Variants in MTPAP observed in about 807,000 individuals in gnomAD.
MTPAP encodes the protein poly(A) RNA polymerase, mitochondrial.
Under a neutral mutation model 48.7 loss-of-function variants are expected in MTPAP, and 23 were observed. The ratio of observed to expected loss-of-function variants is 0.47; its 90% CI spans 0.34 to 0.67. The LOEUF is 0.67. Ranked by LOEUF, MTPAP falls within the 30% of genes least tolerant of loss-of-function variation. The pLI is 0.01. For missense variants in MTPAP, 614 were observed against 694.3 expected (o/e 0.88, Z 1.30); for synonymous variants, 257 against 254.1 (o/e 1.01, Z -0.11).
At chr10:30,332,432 T>A (rs975444274) in intron 4 of MTPAP, among the ~76,000 whole-genome samples, 3 of 152,076 alleles carry the variant, frequency 2.0e-5, no homozygotes, top group Non-Finnish European at 4.4e-5. Flanking sequence ...TAGCTGGGAT[T>A]ATAGGCTCCC....
chr10:30,312,033 GC>G lies in MTPAP; in HGVS notation c.*1575del, dbSNP rs1453114580. ...TTGGTGGTGGGCGCCTGTAATCCCAGCTGAGGCAGGAGAATCACTTGAATCC... is the reference window on the plus strand; with the variant it reads ...TTGGTGGTGGGCGCCTGTAATCCCAGTGAGGCAGGAGAATCACTTGAATCC... On this transcript the variant is annotated 3_prime_UTR_variant, in exon 9 of 9. Transcript: ENST00000263063. The G allele has an allele frequency of 2.0e-5, 3 of 152,360 alleles. No individual in the cohort carries two copies. The highest frequency in any genetic ancestry group is 7.2e-5 in the African/African-American group (3 of 41,442). The allele number at this position is 152,360 out of a possible 1,614,324, so 9.4% of individuals were successfully genotyped here.
In MTPAP at chr10:30,349,191, G is replaced by T. The variant is rs1834905484; in HGVS notation, c.85C>A (p.Leu29Ile). The change falls in exon 1 of 9, where the codon CTT (leucine) becomes ATT (isoleucine). Residue 29 changes from leucine to isoleucine, a missense_variant. By Grantham distance (5) the Leu-to-Ile change is conservative (BLOSUM62 2). Coordinates refer to ENST00000263063, the MANE Select transcript of MTPAP (RefSeq NM_018109.4). ...GCCACAGTTCCTGGGCAACTCAAAA[G>T]CCTGACGATAGGCCGCTGGACTCGA... ...RTRVQRPIVR[L>I]LSCPGTVAKD... The T allele has an allele frequency of 6.2e-7, 1 of 1,609,798 alleles. No homozygotes were observed. The highest frequency in any genetic ancestry group is 1.3e-5 in the African/African-American group (1 of 74,228).
intron 6 of MTPAP, among the ~76,000 whole-genome samples, chr10:30,320,966 G>A (rs1028419201): frequency 6.6e-6 from 1 of 152,210 alleles, no homozygotes; most frequent in Non-Finnish European, 1.5e-5. Flanking sequence ...CTACTTACAG[G>A]TAGTTTAGTG....
intron 6 of MTPAP, among the ~76,000 whole-genome samples, chr10:30,320,342 T>C (rs1588712943): frequency 6.6e-6 from 1 of 152,192 alleles, no homozygotes; most frequent in African/African-American, 2.4e-5. Flanking sequence ...CTGGGAAACA[T>C]GGCGAGACCC....
intron 1 of MTPAP, among the ~76,000 whole-genome samples, chr10:30,346,930 G>C (rs2480294): frequency 0.25 from 38,749 of 151,998 alleles, 4,947 homozygotes; most frequent in Non-Finnish European, 0.28. Context: ...ATGTAGAAGA[G>C]CCCAAGATTA....
At position 30,348,773 on chromosome 10, in the gene MTPAP, C is replaced by T; in HGVS notation, c.157+346G>A. On this transcript the variant is annotated intron_variant, in intron 1 of 8. Coordinates refer to ENST00000263063, the MANE Select transcript of MTPAP (RefSeq NM_018109.4). Reference sequence around the variant, plus strand: ...TCAGAAATATACGTACACGATGCAGCGACTGGCTCAGGTGTGTAGCATTAC... The same window carrying T: ...TCAGAAATATACGTACACGATGCAGTGACTGGCTCAGGTGTGTAGCATTAC... 3 of 288,634 alleles carry T rather than the reference C, an allele frequency of 1.0e-5. No individual in the cohort carries two copies. The South Asian group carries it at 1.4e-4, about 14-fold the overall frequency. The allele number at this position is 288,634 out of a possible 1,614,324, so 17.9% of individuals were successfully genotyped here. A position where few individuals can be genotyped will look rare whatever the true frequency, so the allele number is the denominator to read the frequency against.
At chr10:30,335,797 G>C (rs1453868062) in intron 4 of MTPAP, among the ~76,000 whole-genome samples, 1 of 151,942 alleles carries the variant, frequency 6.6e-6, no homozygotes, top group Non-Finnish European at 1.5e-5. Context: ...ATCACCTGAG[G>C]TCAGGAGTTC....
At chr10:30,321,739 G>A (rs974439428) in intron 6 of MTPAP, among the ~76,000 whole-genome samples, 9 of 152,256 alleles carry the variant, frequency 5.9e-5, no homozygotes, top group Middle Eastern at 3.4e-3. Flanking sequence ...TATGTAAGAC[G>A]GGTAGAAGAC....
In MTPAP at chr10:30,337,047, C is replaced by T. The variant is rs770868808; in HGVS notation, c.556-20G>A. ...GTCTATCTAGCTAGCCGAAACAAAA[C>T]CAACAAAATAGAGAAAAAGTACAGG... On this transcript the variant is annotated intron_variant, in intron 3 of 8. Transcript: ENST00000263063. The T allele has an allele frequency of 6.3e-7, 1 of 1,581,164 alleles. No individual in the cohort carries two copies. The highest frequency in any genetic ancestry group is 1.1e-5 in the South Asian group (1 of 90,366).
Position 30,313,599 on chromosome 10 carries a change from G to A in MTPAP, c.*10C>T, listed in dbSNP as rs1469430148. Reference sequence around the variant, plus strand: ...GGCTAAGCCCAGTTCTTTACACAATGTAGCAGCCATCATGTCTGAGTACTA... The same window carrying A: ...GGCTAAGCCCAGTTCTTTACACAATATAGCAGCCATCATGTCTGAGTACTA... On this transcript the variant is annotated 3_prime_UTR_variant, in exon 9 of 9. Coordinates refer to ENST00000263063, the MANE Select transcript of MTPAP (RefSeq NM_018109.4). The A allele has an allele frequency of 6.8e-6, 11 of 1,614,140 alleles. No homozygotes were observed. Among genetic ancestry groups the A allele is most frequent in the Non-Finnish European group, 9.3e-6 (11 of 1,180,020 alleles).
intron 5 of MTPAP, among the ~76,000 whole-genome samples, chr10:30,325,829 C>T (rs947791678): frequency 1.9e-4 from 29 of 151,912 alleles, no homozygotes; most frequent in African/African-American, 5.8e-4. Context: ...TACAAAAGAA[C>T]TTTTCCCACC....
At chr10:30,346,785 C>T (rs1834877621) in intron 1 of MTPAP, among the ~76,000 whole-genome samples, 1 of 152,156 alleles carries the variant, frequency 6.6e-6, no homozygotes, top group Non-Finnish European at 1.5e-5. Context: ...TTATCCCCCA[C>T]CCCATGAGAT....
intron 4 of MTPAP, among the ~76,000 whole-genome samples, chr10:30,332,847 C>T (rs1051224962): frequency 1.3e-5 from 2 of 151,594 alleles, no homozygotes; most frequent in Non-Finnish European, 2.9e-5. Flanking sequence ...AATGGCCGGG[C>T]GCAGTGGCTC....
chr10:30,329,973 A>AG (rs1340714350), intron 4 of MTPAP, among the ~76,000 whole-genome samples: 3 of 152,044 alleles, frequency 2.0e-5, no homozygotes, highest in African/African-American at 7.2e-5. Context: ...TTTCTTTTAA[A>AG]AAAAAAAGCT....
chr10:30,327,056 GAAGA>G (rs1834605557), intron 4 of MTPAP, among the ~76,000 whole-genome samples: 1 of 152,112 alleles, frequency 6.6e-6, no homozygotes, highest in African/African-American at 2.4e-5. Context: ...CTCATCAGTA[GAAGA>G]AAGAAGACTA....
chr10:30,349,235 A>C lies in MTPAP; in HGVS notation c.41T>G (p.Leu14Arg). 2 of 1,583,376 alleles carry C rather than the reference A, an allele frequency of 1.3e-6. No homozygotes were observed. Among genetic ancestry groups the C allele is most frequent in the Non-Finnish European group, 1.7e-6 (2 of 1,162,976 alleles). ...PGVGLLTRLN[L>R]CARRRTRVQR... ...GACTCGAGTTCTTCTCCGGGCACAC[A>C]GGTTCAAACGGGTCAAGAGCCCCAC... The change falls in exon 1 of 9, where the codon CTG becomes CGG. Residue 14 changes from leucine to arginine, a missense_variant. This residue lies in a region of MTPAP where 125 missense variants were observed against 111.5 expected (regional missense o/e 1.12). Transcript: ENST00000263063.
intron 2 of MTPAP, 140 bp from the exon 3 acceptor site, chr10:30,340,590 T>C: frequency 4.0e-6 from 3 of 744,912 alleles, no homozygotes; most frequent in Admixed American, 2.2e-5. Context: ...GATTCTAACA[T>C]AGCATTAATT....
intron 5 of MTPAP, 137 bp downstream of exon 5, chr10:30,326,287 C>A: frequency 1.3e-6 from 1 of 783,096 alleles, no homozygotes; most frequent in Non-Finnish European, 2.0e-6. Flanking sequence ...ACTTACTTTT[C>A]AATCCAAGTG....
chr10:30,347,923 A>T (rs1834891178), intron 1 of MTPAP, among the ~76,000 whole-genome samples: 1 of 150,786 alleles, frequency 6.6e-6, no homozygotes. Flanking sequence ...TGGGTTTTTT[A>T]ATTTTTGCCA....
Sources: gnomAD v4.1 joint callset for allele counts (sites outside exome capture counted in the v4.1 genomes callset) on GRCh38, gnomAD v4.1.1 for gene constraint, gnomAD v4.1.1 regional missense constraint, MANE v1.5 for transcripts, NCBI Gene and HGNC (gene_info 2026-07-23, HGNC 2026-07-21) for gene names.